The following OPLAH variants were observed in gnomAD, a reference collection of about 807,000 sequenced individuals.
The protein encoded by OPLAH is 5-oxoprolinase.
In OPLAH, 103 loss-of-function variants were observed where a neutral mutation model predicts 122.8. The observed-to-expected ratio is 0.84, with a 90% confidence interval of 0.71 to 0.99. The LOEUF (loss-of-function observed/expected upper bound fraction) is 0.99, where lower values mean the gene tolerates loss of function less well. Among genes scored for constraint, OPLAH ranks in the 50% least tolerant of loss-of-function variants. The pLI is 0.00. For synonymous variants in OPLAH, 875 were observed against 796.0 expected (o/e 1.10, Z -1.67); for missense variants, 1,902 against 1,836.5 (o/e 1.04, Z -0.65).
chr8:144,052,408 A>G, intron 23 of OPLAH, 41 bp downstream of exon 23: 1 of 1,517,772 alleles, frequency 6.6e-7, no homozygotes, highest in South Asian at 1.2e-5. Context: ...CAGCCTGCCC[A>G]CCCAGTCCGC....
At chr8:144,060,107 C>G (rs1835632820) in intron 1 of OPLAH, 22 bp from the exon 2 acceptor site, 1 of 1,496,328 alleles carries the variant, frequency 6.7e-7, no homozygotes, top group Admixed American at 2.1e-5. Flanking sequence ...CGGGGTCAGC[C>G]CGGGCTCACC....
rs782490695 is a variant in OPLAH, at chr8:144,056,637, C to A, written c.1825G>T (p.Gly609Trp). The A allele has an allele frequency of 1.2e-6, 2 of 1,612,132 alleles. No individual in the cohort carries two copies. Among genetic ancestry groups the A allele is most frequent in the African/African-American group, 1.3e-5 (1 of 74,924 alleles). Residue 609 changes from glycine (G) to tryptophan (W), a missense_variant, in exon 13 of 27, where the codon GGG becomes TGG. Transcript: ENST00000618853. ...ACGTACCGCTCCACAAAGGCTGCCC[C>A]GAAGTCCCCCGCACGGGGCGAGCGG... ...TARSPRAGDFGAAFVERYMRE... is the reference protein window; with the variant it reads ...TARSPRAGDFWAAFVERYMRE...
chr8:144,063,457 A>T (rs962999927), upstream of OPLAH, among the ~76,000 whole-genome samples: 5 of 152,164 alleles, frequency 3.3e-5, no homozygotes, highest in African/African-American at 9.7e-5. This position sits in a 1 kb window ranked among gnomAD's most constrained non-coding sequence, Gnocchi z 4.2. Flanking sequence ...TCAGGCACAG[A>T]CAACTTGCAC....
At chr8:144,051,007 C>G, downstream of OPLAH, 3 of 1,126,042 alleles carry the variant, frequency 2.7e-6, no homozygotes, top group Non-Finnish European at 3.3e-6. Flanking sequence ...AGCCGCCGAG[C>G]TAAGCCCTGG....
In OPLAH at chr8:144,055,530, T is replaced by C. The variant is rs1447081646; in HGVS notation, c.2248+258A>G. ...CCTGACCCTGCACAGATGGGTTCCC[T>C]GTGCTGTCCTCAGTATCCCTTCCTT... On this transcript the variant is annotated intron_variant, in intron 16 of 26. Coordinates refer to ENST00000618853, the MANE Select transcript of OPLAH (RefSeq NM_017570.5). This position sits in a 1 kb window ranked among gnomAD's most constrained non-coding sequence, Gnocchi z 6.5. Among the ~76,000 whole-genome samples, 3 of 152,142 alleles carry C rather than the reference T, an allele frequency of 2.0e-5. No individual in the cohort carries two copies. Among genetic ancestry groups the C allele is most frequent in the African/African-American group, 7.2e-5 (3 of 41,422 alleles).
At chr8:144,056,307 C>G (rs782630434) in intron 14 of OPLAH, 48 bp from the exon 15 acceptor site, 1 of 1,596,346 alleles carries the variant, frequency 6.3e-7, no homozygotes, top group Non-Finnish European at 8.6e-7. Context: ...GCACCCTCCC[C>G]GATGCCTCTC....
Position 144,052,579 on chromosome 8 carries a change from C to G in OPLAH, c.3173G>C (p.Arg1058Pro). ...PLNQGCLAPV[R>P]VVIPRGSILD... ...GATGGAGCCTCGGGGAATGACCACG[C>G]GCACTGGCGCCAGGCAGCCCTGTGC... The change falls in exon 23 of 27, where the codon CGC becomes CCC. Residue 1058 changes from arginine (R) to proline (P), a missense_variant. Physicochemically the swap from Arg to Pro is moderately radical, Grantham distance 103 (BLOSUM62 -2). This residue lies in a region of OPLAH where 1,726 missense variants were observed against 1,642.1 expected (regional missense o/e 1.05). Coordinates refer to ENST00000618853, the MANE Select transcript of OPLAH (RefSeq NM_017570.5). 1 of 1,596,258 alleles carries G rather than the reference C, an allele frequency of 6.3e-7. No homozygotes were observed. The highest frequency in any genetic ancestry group is 8.5e-7 in the Non-Finnish European group (1 of 1,177,452).
rs371329891 is a variant in OPLAH, at chr8:144,057,186, G to A, written c.1535+22C>T. 5.5e-4 allele frequency: 884 copies of A among 1,607,224 alleles called. 2 individuals carry two copies. The highest frequency in any genetic ancestry group is 2.1e-3 in the Admixed American group (123 of 59,238). On this transcript the variant is annotated intron_variant, in intron 11 of 26. Coordinates refer to ENST00000618853, the MANE Select transcript of OPLAH (RefSeq NM_017570.5). ...GCCCGGCGCAGATCACACCACCTCCGTGCACCCACACCCAGGCCCACCTGT... is the reference window on the plus strand; with the variant it reads ...GCCCGGCGCAGATCACACCACCTCCATGCACCCACACCCAGGCCCACCTGT...
upstream of OPLAH, among the ~76,000 whole-genome samples, chr8:144,062,167 C>T (rs1554761002): frequency 6.6e-6 from 1 of 152,152 alleles, no homozygotes; most frequent in African/African-American, 2.4e-5. Context: ...ATCCAAGAAC[C>T]CTCTCTTGGG....
rs1554760358 is a variant in OPLAH, at chr8:144,059,550, T to TG, written c.363+48dup. ...TCTCCCCACAGGGTCAAGGCATCCC[T>TG]GGGGGGTGTACACCACACAGCCTGG... On this transcript the variant is annotated intron_variant, in intron 3 of 26. Transcript: ENST00000618853. 1.9e-6 allele frequency: 3 copies of TG among 1,547,720 alleles called. No individual in the cohort carries two copies. In the South Asian group the frequency reaches 3.6e-5, roughly 19 times the overall value.
chr8:144,058,913 G>GAAAA lies in OPLAH; in HGVS notation c.464-18_464-17insTTTT. ...CCGTGCGGCCTTCCAGAAAAGCCCA[G>GAAAA]GAGGCCCCGTTAAAGGCCAGCAGGA... On this transcript the variant is annotated splice_polypyrimidine_tract_variant and intron_variant, in intron 4 of 26. Transcript: ENST00000618853. 1.3e-6 allele frequency: 2 copies of GAAAA among 1,550,068 alleles called. No homozygotes were observed. Among genetic ancestry groups the GAAAA allele is most frequent in the Non-Finnish European group, 1.7e-6 (2 of 1,146,360 alleles).
At chr8:144,063,425 C>T (rs572696856), upstream of OPLAH, among the ~76,000 whole-genome samples, 27 of 152,326 alleles carry the variant, frequency 1.8e-4, no homozygotes, top group Non-Finnish European at 2.8e-4. This position sits in a 1 kb window ranked among gnomAD's most constrained non-coding sequence, Gnocchi z 4.2. Flanking sequence ...CAGAGTCTGC[C>T]GTTGCAGTGA....
chr8:144,057,688 A>G lies in OPLAH; in HGVS notation c.1182T>C (p.Ala394=). Residue 394 remains alanine (A), a synonymous_variant, in exon 10 of 27, where the codon GCT becomes GCC. Transcript: ENST00000618853. ...GCAGCAGGCGACCCAGGACCAGATT[A>G]GCATCCGTCACTGTCACAGGGCCCC... ...RKGGPVTVTD[A]NLVLGRLLPA... 2 of 1,609,262 alleles carry G rather than the reference A, an allele frequency of 1.2e-6. No individual in the cohort carries two copies. Among genetic ancestry groups the G allele is most frequent in the South Asian group, 2.2e-5 (2 of 90,902 alleles).
upstream of OPLAH, among the ~76,000 whole-genome samples, chr8:144,063,472 C>G (rs1835695464): frequency 6.6e-6 from 1 of 152,244 alleles, no homozygotes; most frequent in South Asian, 2.1e-4. This position sits in a 1 kb window ranked among gnomAD's most constrained non-coding sequence, Gnocchi z 4.2. Context: ...TTGCACCCAC[C>G]TCAGGGCCTG....
chr8:144,061,510 C>T (rs528060418), upstream of OPLAH, among the ~76,000 whole-genome samples: 76 of 150,316 alleles, frequency 5.1e-4, no homozygotes, highest in African/African-American at 1.5e-3. Flanking sequence ...AGCGAGACTC[C>T]GTCTCAAAAA....
Position 144,051,492 on chromosome 8 carries a change from C to CG in OPLAH, c.3721-21dup, listed in dbSNP as rs1835375190. ...CACATCCTGTTGGCGCGGGGGGGGG[C>CG]GGGGAGGCGGGCTCAGTGCAGGCGT... On this transcript the variant is annotated intron_variant, in intron 26 of 26. Coordinates refer to ENST00000618853, the MANE Select transcript of OPLAH (RefSeq NM_017570.5). The CG allele has an allele frequency of 1.7e-5, 7 of 413,236 alleles. No individual in the cohort carries two copies. Among genetic ancestry groups the CG allele is most frequent in the Non-Finnish European group, 2.1e-5 (6 of 292,036 alleles). 25.6% of individuals were successfully genotyped at this position (413,236 alleles called of 1,614,324 possible).
chr8:144,062,983 T>C (rs1235149607), upstream of OPLAH, among the ~76,000 whole-genome samples: 3 of 150,262 alleles, frequency 2.0e-5, no homozygotes, highest in Non-Finnish European at 3.0e-5. Flanking sequence ...CCACCCAGGC[T>C]CAGGCCTCCC....
At chr8:144,063,540 C>T (rs782521066), upstream of OPLAH, among the ~76,000 whole-genome samples, 23 of 152,222 alleles carry the variant, frequency 1.5e-4, no homozygotes, top group Non-Finnish European at 2.2e-4. The surrounding 1 kb of genome is among the most constrained non-coding windows in gnomAD (Gnocchi z 4.2). Context: ...CTCCCTCGCC[C>T]GCTCAGGCTC....
chr8:144,052,128 C>G (rs1835394470), intron 24 of OPLAH, 41 bp downstream of exon 24: 2 of 1,548,998 alleles, frequency 1.3e-6, no homozygotes, highest in Non-Finnish European at 1.7e-6. Flanking sequence ...AGCCCCGGCT[C>G]CCACCCGGCC....
Sources: allele counts gnomAD v4.1 joint callset (sites outside exome capture counted in the v4.1 genomes callset), GRCh38; gene constraint gnomAD v4.1.1; regional missense constraint gnomAD v4.1.1; non-coding constraint Gnocchi (gnomAD v3.1); transcripts MANE v1.5; gene names NCBI Gene and HGNC (gene_info 2026-07-23, HGNC 2026-07-21).